The following GABRB3 variants were observed in gnomAD, a reference collection of about 807,000 sequenced individuals.
The protein encoded by GABRB3 is gamma-aminobutyric acid receptor subunit beta-3.
Under a neutral mutation model 52.1 loss-of-function variants are expected in GABRB3, and 14 were observed. The ratio of observed to expected loss-of-function variants is 0.27; its 90% CI spans 0.18 to 0.42. The LOEUF (loss-of-function observed/expected upper bound fraction) is 0.42. GABRB3 is among the 10% of genes least tolerant of loss of function. The pLI, the probability that GABRB3 is intolerant of heterozygous loss-of-function variation, is 1.00. For synonymous variants in GABRB3, 260 were observed against 232.3 expected (o/e 1.12, Z -1.08); for missense variants, 307 against 609.1 (o/e 0.50, Z 5.22).
At chr15:26,697,685 C>T (rs967414996) in intron 3 of GABRB3, among the ~76,000 whole-genome samples, 1 of 152,126 alleles carries the variant, frequency 6.6e-6, no homozygotes, top group Non-Finnish European at 1.5e-5. Context: ...CCCCTGTCCC[C>T]TGGGGTTGAA....
chr15:26,554,080 AAAGTG>A, intron 8 of GABRB3, among the ~76,000 whole-genome samples: 1 of 104,532 alleles, frequency 9.6e-6, no homozygotes, highest in South Asian at 2.9e-4. Context: ...GTATATATAT[AAAGTG>A]TATATATGTA....
chr15:26,593,575 C>A (rs1028119477), intron 4 of GABRB3, among the ~76,000 whole-genome samples: 1 of 152,086 alleles, frequency 6.6e-6, no homozygotes, highest in Non-Finnish European at 1.5e-5. Flanking sequence ...AAATATTTGT[C>A]TTTTTCTGCC....
chr15:26,687,425 T>G (rs546273571), intron 3 of GABRB3, among the ~76,000 whole-genome samples: 11 of 152,168 alleles, frequency 7.2e-5, no homozygotes, highest in Non-Finnish European at 1.6e-4. Context: ...ACAGGATACG[T>G]GTCCATGCAA....
intron 3 of GABRB3, among the ~76,000 whole-genome samples, chr15:26,679,495 C>T (rs149286448): frequency 1.1e-3 from 164 of 152,276 alleles, no homozygotes; most frequent in African/African-American, 3.8e-3. Context: ...AACCCAGATG[C>T]TCGTCCCTAC....
At chr15:26,587,487 G>GCCCCTC (rs1182693054) in intron 4 of GABRB3, among the ~76,000 whole-genome samples, 1 of 152,172 alleles carries the variant, frequency 6.6e-6, no homozygotes, top group Admixed American at 6.6e-5. Context: ...GCAGGAGCAT[G>GCCCCTC]CCCCTCCCTA....
intron 3 of GABRB3, among the ~76,000 whole-genome samples, chr15:26,662,590 G>A (rs1243408039): frequency 6.6e-6 from 1 of 152,186 alleles, no homozygotes; most frequent in African/African-American, 2.4e-5. Context: ...CTGCACAGAT[G>A]AACAGGGAGA....
At chr15:26,704,239 G>T (rs1457922133) in intron 3 of GABRB3, among the ~76,000 whole-genome samples, 2 of 152,252 alleles carry the variant, frequency 1.3e-5, no homozygotes, top group African/African-American at 4.8e-5. Context: ...TGTCTGGGAA[G>T]TGCTGTGCCA....
intron 4 of GABRB3, among the ~76,000 whole-genome samples, chr15:26,590,693 T>A (rs972033469): frequency 6.7e-6 from 1 of 149,970 alleles, no homozygotes; most frequent in Non-Finnish European, 1.5e-5. Context: ...CATAGAACTA[T>A]CCAAAGGCTT....
chr15:26,672,255 C>CA (rs1266927002), intron 3 of GABRB3, among the ~76,000 whole-genome samples: 1 of 152,132 alleles, frequency 6.6e-6, no homozygotes, highest in Non-Finnish European at 1.5e-5. Context: ...AGGGACCCTT[C>CA]AAAAAGACCT....
chr15:26,725,350 C>T (rs1719708882), intron 3 of GABRB3, among the ~76,000 whole-genome samples: 1 of 152,144 alleles, frequency 6.6e-6, no homozygotes, highest in Non-Finnish European at 1.5e-5. Flanking sequence ...AAGCTGTCCC[C>T]TCCACCTTCC....
intron 3 of GABRB3, among the ~76,000 whole-genome samples, chr15:26,673,632 G>A (rs569471709): frequency 7.9e-5 from 12 of 152,208 alleles, no homozygotes; most frequent in Non-Finnish European, 1.8e-4. Flanking sequence ...GACTGTGAAA[G>A]CCACCAGAAG....
chr15:26,626,370 C>T (rs572406989), intron 3 of GABRB3, among the ~76,000 whole-genome samples: 15 of 152,174 alleles, frequency 9.9e-5, no homozygotes, highest in African/African-American at 3.4e-4. Flanking sequence ...CTCCAATGGC[C>T]TCTAAGGGTT....
Position 26,548,043 on chromosome 15 carries a change from G to A in GABRB3, c.1172C>T (p.Ser391Leu), listed in dbSNP as rs868123323. The A allele has an allele frequency of 3.1e-6, 5 of 1,614,086 alleles. No homozygotes were observed. The South Asian group carries it at 5.5e-5, about 18-fold the overall frequency. Residue 391 changes from serine (S) to leucine (L), a missense_variant, in exon 9 of 9, where the codon TCA becomes TTA. Physicochemically the swap from Ser to Leu is moderately radical, Grantham distance 145. Around this residue, in one of 6 missense-constraint regions of GABRB3, gnomAD observed 115 missense variants for 166.9 expected, o/e 0.69. Coordinates refer to ENST00000311550, the MANE Select transcript of GABRB3 (RefSeq NM_000814.6). Reference protein sequence around the residue: ...VSGGIGDTRNSAISFDNSGIQ... With the variant: ...VSGGIGDTRNLAISFDNSGIQ... Reference sequence around the variant, plus strand: ...TCCTGAGTTGTCAAAGGATATTGCTGAATTCCTGGTATCGCCAATGCCGCC... The same window carrying A: ...TCCTGAGTTGTCAAAGGATATTGCTAAATTCCTGGTATCGCCAATGCCGCC...
At chr15:26,720,036 T>C (rs1889600923) in intron 3 of GABRB3, among the ~76,000 whole-genome samples, 3 of 152,236 alleles carry the variant, frequency 2.0e-5, no homozygotes, top group South Asian at 4.1e-4. Context: ...ACAAAAGAAG[T>C]GAAAATGGCC....
rs867145413 is a variant in GABRB3, at chr15:26,547,269, G to C, written c.*524C>G. The C allele has an allele frequency of 1.1e-5, 4 of 355,584 alleles. No homozygotes were observed. Among genetic ancestry groups the C allele is most frequent in the African/African-American group, 8.4e-5 (4 of 47,622 alleles). 22.0% of individuals were successfully genotyped at this position (355,584 alleles called of 1,614,324 possible). ...GAAGCCTTTGCTTACTAAACTGAAC[G>C]AGAGGATATGAAGTAAGTGACTCAT... On this transcript the variant is annotated 3_prime_UTR_variant, in exon 9 of 9. Transcript: ENST00000311550.
At chr15:26,615,904 G>A in intron 4 of GABRB3, 4 of 1,276,428 alleles carry the variant, frequency 3.1e-6, no homozygotes, top group South Asian at 1.3e-5. Context: ...ATAATCAGTA[G>A]GAAAGCAATC....
At chr15:26,668,704 A>G (rs1019033518) in intron 3 of GABRB3, among the ~76,000 whole-genome samples, 1 of 152,194 alleles carries the variant, frequency 6.6e-6, no homozygotes, top group African/African-American at 2.4e-5. Context: ...ATGTAAATAG[A>G]GTTCCCTAAT....
chr15:26,568,172 A>G (rs7173108), intron 6 of GABRB3, among the ~76,000 whole-genome samples: 116,715 of 152,118 alleles, frequency 0.77, 44,931 homozygotes, highest in East Asian at 0.92. Context: ...TACAGATGTT[A>G]GAGGCATTGC....
intron 3 of GABRB3, chr15:26,642,495 T>G: frequency 1.6e-6 from 2 of 1,289,030 alleles, no homozygotes; most frequent in Non-Finnish European, 2.0e-6. Context: ...AGTTCCACAG[T>G]GGCTGAATCC....
Sources: gnomAD v4.1 joint callset for allele counts (sites outside exome capture counted in the v4.1 genomes callset) on GRCh38, gnomAD v4.1.1 for gene constraint, gnomAD v4.1.1 regional missense constraint, MANE v1.5 for transcripts, NCBI Gene and HGNC (gene_info 2026-07-23, HGNC 2026-07-21) for gene names.